MACROD2: variants seen among roughly 807,000 people sequenced by gnomAD.
The protein encoded by MACROD2 is mono-ADP ribosylhydrolase 2.
Under a neutral mutation model 70.4 loss-of-function variants are expected in MACROD2, and 36 were observed. The observed-to-expected ratio is 0.51, with a 90% CI of 0.39 to 0.68. MACROD2 has a LOEUF of 0.68. Among genes scored for constraint, MACROD2 ranks in the 30% least tolerant of loss-of-function variants. The pLI is 0.00. For synonymous variants in MACROD2, 172 were observed against 178.8 expected (o/e 0.96, Z 0.30); for missense variants, 496 against 538.4 (o/e 0.92, Z 0.78).
chr20:14,890,486 G>A (rs2073740909), intron 5 of MACROD2, among the ~76,000 whole-genome samples: 2 of 152,072 alleles, frequency 1.3e-5, no homozygotes, highest in Admixed American at 1.3e-4. Context: ...TGTTGAAAGG[G>A]GCTGGGTGCA....
At chr20:14,442,271 A>C (rs1395885422) in intron 3 of MACROD2, among the ~76,000 whole-genome samples, 1 of 152,012 alleles carries the variant, frequency 6.6e-6, no homozygotes, top group African/African-American at 2.4e-5. Context: ...CTCCATGTCA[A>C]AACAAACAAA....
At chr20:14,767,808 A>T (rs1324808263) in intron 5 of MACROD2, among the ~76,000 whole-genome samples, 1 of 151,704 alleles carries the variant, frequency 6.6e-6, no homozygotes, top group Admixed American at 6.6e-5. Context: ...ACCCCCTGAC[A>T]GGCCCCGGTG....
intron 6 of MACROD2, among the ~76,000 whole-genome samples, chr20:15,401,901 T>G (rs973309877): frequency 6.6e-6 from 1 of 152,198 alleles, no homozygotes; most frequent in African/African-American, 2.4e-5. Context: ...AGGCTGGGCA[T>G]TCTACAAGTC....
intron 4 of MACROD2, among the ~76,000 whole-genome samples, chr20:14,650,490 A>G (rs1244520906): frequency 6.6e-6 from 1 of 152,204 alleles, no homozygotes; most frequent in Non-Finnish European, 1.5e-5. Context: ...GGCATAAATT[A>G]TCAATGGTTC....
chr20:14,728,626 G>T (rs1303448498), intron 5 of MACROD2, among the ~76,000 whole-genome samples: 2 of 152,110 alleles, frequency 1.3e-5, no homozygotes, highest in African/African-American at 2.4e-5. Context: ...AGAAGTTGAT[G>T]CCAAGTCATG....
intron 3 of MACROD2, among the ~76,000 whole-genome samples, chr20:14,201,669 G>A (rs527507466): frequency 3.3e-5 from 5 of 151,972 alleles, no homozygotes; most frequent in African/African-American, 7.2e-5. Context: ...GTGAAACTCC[G>A]TCTCTACTAA....
intron 6 of MACROD2, among the ~76,000 whole-genome samples, chr20:15,327,802 G>A (rs532995637): frequency 6.6e-6 from 1 of 152,164 alleles, no homozygotes; most frequent in East Asian, 1.9e-4. Context: ...TGTGATGGAT[G>A]ATTGGGTTAT....
At chr20:15,317,994 C>A (rs556168455) in intron 6 of MACROD2, among the ~76,000 whole-genome samples, 39 of 151,730 alleles carry the variant, frequency 2.6e-4, no homozygotes, top group Non-Finnish European at 4.3e-4. Context: ...AAAGTTAGAT[C>A]CTTGAAAAGA....
At chr20:14,690,150 T>C (rs1431125797) in intron 5 of MACROD2, among the ~76,000 whole-genome samples, 1 of 152,186 alleles carries the variant, frequency 6.6e-6, no homozygotes, top group Non-Finnish European at 1.5e-5. Context: ...CACATGTCTA[T>C]TTTATTTCTT....
At chr20:15,021,925 GA>G (rs2122968769) in intron 5 of MACROD2, among the ~76,000 whole-genome samples, 1 of 152,148 alleles carries the variant, frequency 6.6e-6, no homozygotes, top group South Asian at 2.1e-4. Flanking sequence ...AGGAAACTGA[GA>G]AAGAGGGGAG....
chr20:14,411,746 T>C (rs907097237), intron 3 of MACROD2, among the ~76,000 whole-genome samples: 1 of 151,154 alleles, frequency 6.6e-6, no homozygotes, highest in African/African-American at 2.5e-5. Context: ...AGCTGCCCCC[T>C]ACCAGCACCT....
At chr20:15,857,650 T>A (rs2064372171) in intron 8 of MACROD2, among the ~76,000 whole-genome samples, 2 of 152,166 alleles carry the variant, frequency 1.3e-5, no homozygotes, top group South Asian at 4.1e-4. Flanking sequence ...ACAAATCTCA[T>A]GGAAATTTCT....
At chr20:15,988,827 C>T (rs1388408775) in intron 15 of MACROD2, among the ~76,000 whole-genome samples, 1 of 152,096 alleles carries the variant, frequency 6.6e-6, no homozygotes, top group Non-Finnish European at 1.5e-5. Context: ...TCACTTGGTC[C>T]TGCCTTGAAT....
intron 4 of MACROD2, among the ~76,000 whole-genome samples, chr20:14,657,388 G>A (rs1276503391): frequency 6.6e-6 from 1 of 152,196 alleles, no homozygotes; most frequent in Non-Finnish European, 1.5e-5. Flanking sequence ...AAAATCCTCA[G>A]CAACAGCTGG....
intron 5 of MACROD2, among the ~76,000 whole-genome samples, chr20:15,207,940 G>A (rs779245772): frequency 6.6e-6 from 1 of 152,032 alleles, no homozygotes; most frequent in Non-Finnish European, 1.5e-5. Context: ...TGAATCTATA[G>A]GTTATATCAT....
At chr20:16,030,654 T>C (rs2067140337) in intron 15 of MACROD2, among the ~76,000 whole-genome samples, 1 of 152,092 alleles carries the variant, frequency 6.6e-6, no homozygotes, top group South Asian at 2.1e-4. Flanking sequence ...TGATCTGAAA[T>C]GTAAGAACTA....
At chr20:15,718,753 T>C (rs1421305372) in intron 8 of MACROD2, among the ~76,000 whole-genome samples, 4 of 152,224 alleles carry the variant, frequency 2.6e-5, no homozygotes, top group Non-Finnish European at 5.9e-5. Context: ...GGGGAAGTTA[T>C]ACCCCCTAAC....
chr20:14,056,618 A>G lies in MACROD2; in HGVS notation c.164-29003A>G, dbSNP rs149682179. ...CTAAAAGTTACTTAAGAGGGTATTT[A>G]AAAATGATGAAATGTATGTGTTTAC... On this transcript the variant is annotated intron_variant, in intron 2 of 17. Coordinates refer to ENST00000684519, the MANE Select transcript of MACROD2 (RefSeq NM_001351661.2). Among the ~76,000 whole-genome samples the G allele has an allele frequency of 7.3e-5, 11 of 151,308 alleles. No individual in the cohort carries two copies. The East Asian group carries it at 2.2e-3, about 30-fold the overall frequency.
At chr20:14,644,140 G>A (rs4814315) in intron 4 of MACROD2, among the ~76,000 whole-genome samples, 3,571 of 152,210 alleles carry the variant, frequency 0.023, 61 homozygotes, top group Admixed American at 0.036. Flanking sequence ...CTGCTTTTGT[G>A]AGTCTAAGAA....
Sources: gnomAD v4.1 joint callset for allele counts (sites outside exome capture counted in the v4.1 genomes callset) on GRCh38, gnomAD v4.1.1 for gene constraint, MANE v1.5 for transcripts, NCBI Gene and HGNC (gene_info 2026-07-23, HGNC 2026-07-21) for gene names.